ELF2: variants seen among roughly 807,000 people sequenced by gnomAD.
The protein encoded by ELF2 is ETS-related transcription factor Elf-2.
A neutral mutation model predicts 54.8 loss-of-function variants in ELF2; 11 were observed. The ratio of observed to expected loss-of-function variants is 0.20; its 90% CI spans 0.13 to 0.33. The LOEUF (loss-of-function observed/expected upper bound fraction) is 0.33, where lower values mean the gene tolerates loss of function less well. ELF2 is among the 10% of genes least tolerant of loss of function. The probability of loss-of-function intolerance (pLI) is 1.00; values close to 1 mark genes in which losing one functional copy is unlikely to be tolerated. For missense variants in ELF2, 513 were observed against 703.0 expected, an observed-to-expected ratio of 0.73 and a Z score of 3.06; for synonymous variants, 203 against 245.1, an observed-to-expected ratio of 0.83 and a Z score of 1.61.
intron 4 of ELF2, among the ~76,000 whole-genome samples, chr4:139,085,186 CTA>C (rs1415307396): frequency 1.3e-5 from 2 of 152,134 alleles, no homozygotes; most frequent in African/African-American, 4.8e-5. Context: ...AATTTAATGA[CTA>C]TAAATTTACT....
rs1727491051 is a variant in ELF2, at chr4:139,059,472, T to G, written c.1293A>C (p.Pro431=). 2 of 1,614,000 alleles carry G rather than the reference T, an allele frequency of 1.2e-6. No individual in the cohort carries two copies. Among genetic ancestry groups the G allele is most frequent in the Admixed American group, 1.7e-5 (1 of 60,006 alleles). The change falls in exon 10 of 10, where the codon CCA becomes CCC. Residue 431 remains proline, a synonymous_variant. Coordinates refer to ENST00000686138, the MANE Select transcript of ELF2 (RefSeq NM_001331036.3). The part of the protein sequence containing the change: ...TSTSPTTATS[P]KVVIQTIPTV... Reference sequence around the variant, plus strand: ...TAGGGATTGTCTGAATGACTACCTTTGGAGAGGTCGCTGTTGTTGGACTAG... The same window carrying G: ...TAGGGATTGTCTGAATGACTACCTTGGGAGAGGTCGCTGTTGTTGGACTAG...
At chr4:139,130,983 G>A (rs1399600073) in intron 3 of ELF2, among the ~76,000 whole-genome samples, 1 of 152,118 alleles carries the variant, frequency 6.6e-6, no homozygotes, top group Admixed American at 6.5e-5. Flanking sequence ...ATGGGAGAAA[G>A]GGGATGGAAG....
intron 4 of ELF2, among the ~76,000 whole-genome samples, chr4:139,114,642 CTTTTTTTTTTTT>C (rs59282364): frequency 9.5e-6 from 1 of 104,854 alleles, no homozygotes; most frequent in African/African-American, 3.7e-5. Context: ...TTTTTTCTTT[CTTTTTTTTTTTT>C]TTTTTTGCAC....
chr4:139,068,722 A>G (rs1472330140), intron 6 of ELF2, among the ~76,000 whole-genome samples: 1 of 152,230 alleles, frequency 6.6e-6, no homozygotes, highest in Non-Finnish European at 1.5e-5. Flanking sequence ...ATACTTTTCT[A>G]CACGAAAGAG....
chr4:139,122,158 T>C (rs1736425206), intron 4 of ELF2, among the ~76,000 whole-genome samples: 1 of 152,204 alleles, frequency 6.6e-6, no homozygotes, highest in Admixed American at 6.5e-5. Flanking sequence ...TAGACTGACA[T>C]AATCTAAATT....
chr4:139,117,557 G>A (rs1735864799), intron 4 of ELF2, among the ~76,000 whole-genome samples: 1 of 151,950 alleles, frequency 6.6e-6, no homozygotes, highest in Admixed American at 6.6e-5. Context: ...AGCCACATAG[G>A]TGTGGTGAGT....
intron 4 of ELF2, among the ~76,000 whole-genome samples, chr4:139,113,054 T>A (rs1279076923): frequency 6.6e-6 from 1 of 152,204 alleles, no homozygotes; most frequent in Non-Finnish European, 1.5e-5. Flanking sequence ...TATACAAACA[T>A]CATCTAAAAT....
chr4:139,130,331 C>T (rs1312980826), intron 3 of ELF2, among the ~76,000 whole-genome samples: 1 of 152,196 alleles, frequency 6.6e-6, no homozygotes, highest in Non-Finnish European at 1.5e-5. Context: ...ACCTAGTTTA[C>T]AGTACTTTGT....
At chr4:139,088,363 G>A (rs955059304) in intron 4 of ELF2, among the ~76,000 whole-genome samples, 5 of 151,088 alleles carry the variant, frequency 3.3e-5, no homozygotes, top group African/African-American at 1.2e-4. Flanking sequence ...AATTCCAAAA[G>A]GAATATTTAG....
At chr4:139,157,420 T>A (rs1342273571) in intron 1 of ELF2, among the ~76,000 whole-genome samples, 2 of 151,910 alleles carry the variant, frequency 1.3e-5, no homozygotes, top group Admixed American at 6.6e-5. Flanking sequence ...TTTTTTTTTA[T>A]ACTGGGTCTC....
At chr4:139,062,359 C>T (rs1475193779) in intron 7 of ELF2, among the ~76,000 whole-genome samples, 1 of 152,088 alleles carries the variant, frequency 6.6e-6, no homozygotes, top group Non-Finnish European at 1.5e-5. Flanking sequence ...TTGGTAGAGA[C>T]AGGGTTTCAC....
At chr4:139,091,851 T>G (rs1187766738) in intron 4 of ELF2, among the ~76,000 whole-genome samples, 2 of 151,614 alleles carry the variant, frequency 1.3e-5, no homozygotes, top group Non-Finnish European at 2.9e-5. Flanking sequence ...ATTAATAAAA[T>G]AAACACACTT....
chr4:139,060,537 G>C lies in ELF2; in HGVS notation c.944C>G (p.Thr315Ser). The change falls in exon 9 of 10, where the codon ACT (threonine) becomes AGT (serine). Residue 315 changes from threonine (T) to serine (S), a missense_variant. Coordinates refer to ENST00000686138, the MANE Select transcript of ELF2 (RefSeq NM_001331036.3). The part of the protein sequence containing the change: ...ETCNEDLAGT[T>S]DEKSLERVSL... Reference sequence around the variant, plus strand: ...CACTCGTTCTAATGATTTTTCATCAGTAGTTCCTGCTAAATCTTCATTACA... The same window carrying C: ...CACTCGTTCTAATGATTTTTCATCACTAGTTCCTGCTAAATCTTCATTACA... 1 of 1,614,200 alleles carries C rather than the reference G, an allele frequency of 6.2e-7. No homozygotes were observed. Among genetic ancestry groups the C allele is most frequent in the Non-Finnish European group, 8.5e-7 (1 of 1,180,040 alleles).
intron 3 of ELF2, among the ~76,000 whole-genome samples, chr4:139,135,453 C>T (rs1005133399): frequency 2.0e-5 from 3 of 151,900 alleles, no homozygotes; most frequent in Non-Finnish European, 4.4e-5. Context: ...CCACCCCTCA[C>T]CTCATTTAGC....
At chr4:139,090,797 G>A (rs775375611) in intron 4 of ELF2, among the ~76,000 whole-genome samples, 41 of 152,096 alleles carry the variant, frequency 2.7e-4, no homozygotes, top group Non-Finnish European at 4.1e-4. Flanking sequence ...ATTTTGCCAC[G>A]TTGGCCAGGC....
intron 1 of ELF2, among the ~76,000 whole-genome samples, chr4:139,143,938 T>A (rs1292496542): frequency 2.6e-5 from 4 of 151,768 alleles, no homozygotes; most frequent in Admixed American, 6.6e-5. Context: ...CCTACAAAAA[T>A]TTAAATTTTA....
At chr4:139,069,555 C>T (rs1729212850) in intron 6 of ELF2, among the ~76,000 whole-genome samples, 1 of 152,130 alleles carries the variant, frequency 6.6e-6, no homozygotes. Context: ...TCTCATAAAG[C>T]GGCACGTCCA....
At chr4:139,109,359 G>C (rs1236778392) in intron 4 of ELF2, among the ~76,000 whole-genome samples, 2 of 152,120 alleles carry the variant, frequency 1.3e-5, no homozygotes, top group East Asian at 1.9e-4. Context: ...AGAAGCAGCA[G>C]ACTTAATGAG....
rs193097669 is a variant in ELF2 at position 139,173,790 on chromosome 4, T to G, written c.-252+3177A>C. On this transcript the variant is annotated intron_variant, in intron 1 of 9. Coordinates refer to ENST00000686138, the MANE Select transcript of ELF2 (RefSeq NM_001331036.3). ...AAAAAAAAAAAAGACTATAAAAAAT[T>G]TTTTTAATTAAAAAGGATCAGGTGC... is the stretch of plus-strand genomic sequence containing the variant. 4.1e-5 allele frequency among the ~76,000 whole-genome samples: 6 copies of G among 147,308 alleles called. No homozygotes were observed. The East Asian group carries it at 1.3e-3, about 31-fold the overall frequency.
Sources: gnomAD v4.1 joint callset for allele counts (sites outside exome capture counted in the v4.1 genomes callset) on GRCh38, gnomAD v4.1.1 for gene constraint, MANE v1.5 for transcripts, NCBI Gene and HGNC (gene_info 2026-07-23, HGNC 2026-07-21) for gene names.